Variants in ZNF267 observed in about 807,000 individuals in gnomAD.
The protein encoded by ZNF267 is zinc finger protein 267.
ZNF267 carries 61 observed loss-of-function variants against 71.6 expected under a neutral mutation model. That is an observed-to-expected ratio of 0.85 (90% confidence interval 0.69 to 1.05). The LOEUF is 1.05. Ranked by LOEUF, ZNF267 falls within the 50% of genes least tolerant of loss-of-function variation. The pLI is 0.00. For synonymous variants in ZNF267, 288 were observed against 293.2 expected (o/e 0.98, Z 0.18); for missense variants, 852 against 870.0 (o/e 0.98, Z 0.26).
intron 3 of ZNF267, among the ~76,000 whole-genome samples, chr16:31,908,825 TTAGTG>T (rs781680037): frequency 1.3e-5 from 2 of 152,128 alleles, no homozygotes; most frequent in Non-Finnish European, 2.9e-5. Flanking sequence ...CTACAGCTCT[TTAGTG>T]TAATGTGAAA....
intron 1 of ZNF267, 54 bp downstream of exon 1, chr16:31,874,023 C>A: frequency 6.3e-7 from 1 of 1,593,936 alleles, no homozygotes; most frequent in East Asian, 2.3e-5. Context: ...TGGTCGGAAG[C>A]GGCGGGAACC....
chr16:31,917,067 G>T lies in ZNF267; in HGVS notation c.*586G>T, dbSNP rs2084184364. Reference sequence around the variant, plus strand: ...TTACAGTATTTGAGGTTTTTGGAAAGCAAATATTATTTATATAATTCAGCT... The same window carrying T: ...TTACAGTATTTGAGGTTTTTGGAAATCAAATATTATTTATATAATTCAGCT... On this transcript the variant is annotated 3_prime_UTR_variant, in exon 4 of 4. Coordinates refer to ENST00000300870, the MANE Select transcript of ZNF267 (RefSeq NM_003414.6). The T allele has an allele frequency of 6.6e-6, 1 of 152,280 alleles. No homozygotes were observed. The highest frequency in any genetic ancestry group is 1.5e-5 in the Non-Finnish European group (1 of 68,146). The allele number at this position is 152,280 out of a possible 1,614,324, so 9.4% of individuals were successfully genotyped here.
chr16:31,911,769 T>A (rs2084137269), intron 3 of ZNF267: 1 of 151,538 alleles, frequency 6.6e-6, no homozygotes, highest in African/African-American at 2.4e-5. Context: ...GTGAACATGA[T>A]TTTTCTTGGT....
chr16:31,879,240 A>G (rs999568730), intron 1 of ZNF267, among the ~76,000 whole-genome samples: 1 of 152,216 alleles, frequency 6.6e-6, no homozygotes, highest in East Asian at 1.9e-4. Context: ...CAATTAAAAA[A>G]CACAGATGGC....
At chr16:31,878,221 C>T (rs907135683) in intron 1 of ZNF267, among the ~76,000 whole-genome samples, 7 of 152,176 alleles carry the variant, frequency 4.6e-5, no homozygotes, top group African/African-American at 1.7e-4. Flanking sequence ...TCCCAAGTGT[C>T]TGTGGGAAGA....
intron 3 of ZNF267, among the ~76,000 whole-genome samples, chr16:31,907,803 G>A (rs1173958292): frequency 5.9e-5 from 9 of 151,896 alleles, no homozygotes; most frequent in Non-Finnish European, 8.8e-5. Context: ...TTGGGAGGCC[G>A]AGGCGGGTGG....
rs369182518 is a variant in ZNF267 at position 31,915,823 on chromosome 16, G to A, written c.1574G>A (p.Cys525Tyr). The change falls in exon 4 of 4, where the codon TGT (cysteine) becomes TAT (tyrosine). Residue 525 changes from cysteine (C) to tyrosine (Y), a missense_variant. Transcript: ENST00000300870. The stretch of plus-strand genomic sequence containing the variant: ...GAAAATCTTTACAAATGCAAAGTAT[G>A]TGCTAAACCTTTTACTTGTTTCTCA... ...TGENLYKCKV[C>Y]AKPFTCFSNL... is the part of the protein sequence containing the mutation. 2 of 1,613,318 alleles carry A rather than the reference G, an allele frequency of 1.2e-6. No homozygotes were observed. Among genetic ancestry groups the A allele is most frequent in the African/African-American group, 2.7e-5 (2 of 74,900 alleles).
chr16:31,874,254 C>T (rs2083836078), intron 1 of ZNF267: 1 of 419,636 alleles, frequency 2.4e-6, no homozygotes, highest in East Asian at 4.2e-5. Flanking sequence ...GCGTCTCCCC[C>T]AGATTGTGCG....
intron 3 of ZNF267, among the ~76,000 whole-genome samples, chr16:31,906,152 C>G (rs1288957833): frequency 1.3e-5 from 2 of 152,158 alleles, no homozygotes; most frequent in African/African-American, 2.4e-5. Flanking sequence ...GAAGTTTTGT[C>G]TCAGAGGAGT....
intron 3 of ZNF267, among the ~76,000 whole-genome samples, chr16:31,895,762 G>A (rs1319598148): frequency 6.6e-6 from 1 of 152,074 alleles, no homozygotes; most frequent in Non-Finnish European, 1.5e-5. Context: ...TTGGCCATTT[G>A]TATTTCTTCT....
At chr16:31,905,351 A>G (rs1389237724) in intron 3 of ZNF267, among the ~76,000 whole-genome samples, 1 of 152,174 alleles carries the variant, frequency 6.6e-6, no homozygotes, top group Non-Finnish European at 1.5e-5. Flanking sequence ...GGATTGGGGA[A>G]GTTCTCCTGG....
intron 1 of ZNF267, among the ~76,000 whole-genome samples, chr16:31,877,117 A>G (rs914455682): frequency 6.6e-6 from 1 of 152,072 alleles, no homozygotes; most frequent in Non-Finnish European, 1.5e-5. Context: ...CTACTCATTA[A>G]TCATTTTAAC....
At chr16:31,908,657 G>C (rs2084110687) in intron 3 of ZNF267, among the ~76,000 whole-genome samples, 1 of 151,374 alleles carries the variant, frequency 6.6e-6, no homozygotes, top group Admixed American at 6.6e-5. Flanking sequence ...TTTTAGCACT[G>C]GTTATTGAAA....
chr16:31,897,833 T>C (rs961917277), intron 3 of ZNF267, among the ~76,000 whole-genome samples: 5 of 152,186 alleles, frequency 3.3e-5, no homozygotes, highest in Non-Finnish European at 7.4e-5. Context: ...AAAATAATAC[T>C]TTGTGTGATT....
intron 3 of ZNF267, among the ~76,000 whole-genome samples, chr16:31,906,037 G>C (rs946036965): frequency 1.3e-5 from 2 of 152,174 alleles, no homozygotes. Flanking sequence ...GTTTGAGTTT[G>C]CTGGAGGTCC....
intron 3 of ZNF267, among the ~76,000 whole-genome samples, chr16:31,892,762 C>G (rs1277945971): frequency 6.6e-6 from 1 of 152,258 alleles, no homozygotes; most frequent in East Asian, 1.9e-4. Flanking sequence ...TGTCTCACAT[C>G]CAGGTCATGC....
At chr16:31,878,038 G>C (rs1224992266) in intron 1 of ZNF267, among the ~76,000 whole-genome samples, 2 of 152,174 alleles carry the variant, frequency 1.3e-5, no homozygotes, top group African/African-American at 4.8e-5. Flanking sequence ...CTGAAGTGGG[G>C]GCAGTGTTGT....
chr16:31,899,927 T>G (rs1269912560), intron 3 of ZNF267, among the ~76,000 whole-genome samples: 11 of 152,144 alleles, frequency 7.2e-5, no homozygotes, highest in Admixed American at 7.2e-4. Flanking sequence ...ACTTCTTAAT[T>G]ACCTTTTTAG....
Position 31,916,613 on chromosome 16 carries a change from C to A in ZNF267, c.*132C>A. On this transcript the variant is annotated 3_prime_UTR_variant, in exon 4 of 4. Coordinates refer to ENST00000300870, the MANE Select transcript of ZNF267 (RefSeq NM_003414.6). ...CCTTTAACTATTTTCAAGCCTTACA[C>A]AATAGCAGAGAATATAAACTGAAAA... 1 of 903,586 alleles carries A rather than the reference C, an allele frequency of 1.1e-6. No individual in the cohort carries two copies. Among genetic ancestry groups the A allele is most frequent in the Non-Finnish European group, 1.6e-6 (1 of 613,642 alleles). The allele number at this position is 903,586 out of a possible 1,614,324, so 56.0% of individuals were successfully genotyped here.
Sources: allele counts gnomAD v4.1 joint callset (sites outside exome capture counted in the v4.1 genomes callset), GRCh38; gene constraint gnomAD v4.1.1; transcripts MANE v1.5; gene names NCBI Gene and HGNC (gene_info 2026-07-23, HGNC 2026-07-21).